The following SNX30 variants were observed in gnomAD, a reference collection of about 807,000 sequenced individuals.
SNX30 encodes the protein sorting nexin-30.
Under a neutral mutation model 46.4 loss-of-function variants are expected in SNX30, and 24 were observed. That is an observed-to-expected ratio of 0.52 (90% CI 0.37 to 0.73). The LOEUF is 0.73. SNX30 is among the 30% of genes least tolerant of loss of function. The pLI is 0.00. For missense variants in SNX30, 533 were observed against 555.7 expected, an observed-to-expected ratio of 0.96 and a Z score of 0.41; for synonymous variants, 189 against 211.5, an observed-to-expected ratio of 0.89 and a Z score of 0.92.
chr9:112,817,022 T>C (rs555182170), intron 2 of SNX30, among the ~76,000 whole-genome samples: 1 of 152,354 alleles, frequency 6.6e-6, no homozygotes, highest in South Asian at 2.1e-4. Context: ...TGCAATGCAA[T>C]GGCATTTTTG....
At chr9:112,836,592 C>T (rs570459891) in intron 5 of SNX30, among the ~76,000 whole-genome samples, 183 bp downstream of exon 5, 2 of 152,328 alleles carry the variant, frequency 1.3e-5, no homozygotes, top group African/African-American at 2.4e-5. Flanking sequence ...CTTTGCACCC[C>T]GTCCTTTGTC....
At chr9:112,777,249 C>A (rs942542660) in intron 1 of SNX30, among the ~76,000 whole-genome samples, 2 of 151,834 alleles carry the variant, frequency 1.3e-5, no homozygotes, top group Non-Finnish European at 1.5e-5. Flanking sequence ...TTTTATATTC[C>A]TTTTGTCATT....
In SNX30 at chr9:112,751,061, G is replaced by A. The variant is rs1436061551; in HGVS notation, c.60G>A (p.Met20Ile). Reference protein sequence around the residue: ...PSTGPHSLRDMPHPLAGSSSE... With the variant: ...PSTGPHSLRDIPHPLAGSSSE... ...CGGGGCCCCACTCCCTGCGCGACAT[G>A]CCGCACCCGCTGGCCGGCTCCAGCA... is the stretch of plus-strand genomic sequence containing the variant. Residue 20 changes from methionine (M) to isoleucine (I), a missense_variant, in exon 1 of 9, where the codon ATG becomes ATA. Around this residue, in one of 3 missense-constraint regions of SNX30, gnomAD observed 191 missense variants for 160.3 expected, o/e 1.19. Coordinates refer to ENST00000374232, the MANE Select transcript of SNX30 (RefSeq NM_001012994.2). The A allele has an allele frequency of 8.0e-6, 12 of 1,496,386 alleles. No individual in the cohort carries two copies. Among genetic ancestry groups the A allele is most frequent in the South Asian group, 1.3e-5 (1 of 79,762 alleles). 92.7% of individuals were successfully genotyped at this position (1,496,386 alleles called of 1,614,324 possible). A position where few individuals can be genotyped will look rare whatever the true frequency, so the allele number is the denominator to read the frequency against.
At chr9:112,850,967 G>C (rs371620243) in intron 7 of SNX30, 22 bp downstream of exon 7, 4 of 1,593,246 alleles carry the variant, frequency 2.5e-6, no homozygotes, top group South Asian at 2.2e-5. Context: ...CACCTGGGAA[G>C]GGCTGCAAAG....
At chr9:112,824,385 G>A (rs1840550865) in intron 3 of SNX30, among the ~76,000 whole-genome samples, 3 of 152,192 alleles carry the variant, frequency 2.0e-5, no homozygotes, top group South Asian at 2.1e-4. Flanking sequence ...TTCTAAAAAT[G>A]TTTTCATTGT....
chr9:112,753,571 C>T lies in SNX30; in HGVS notation c.156+2414C>T, dbSNP rs143620976. Among the ~76,000 whole-genome samples the T allele has an allele frequency of 3.6e-3, 552 of 152,238 alleles. 1 individual carries two copies. Among genetic ancestry groups the T allele is most frequent in the Non-Finnish European group, 6.0e-3 (407 of 68,022 alleles). On this transcript the variant is annotated intron_variant, in intron 1 of 8. Transcript: ENST00000374232. ...GTAATTTGTGTATTTTTAGTAGAGA[C>T]GAGGTTTCGCCATGTTGGCCAGGCT...
intron 1 of SNX30, among the ~76,000 whole-genome samples, chr9:112,768,648 T>TTCTTCTTCTTC (rs199840472): frequency 2.3e-4 from 11 of 47,330 alleles, no homozygotes; most frequent in African/African-American, 9.8e-4. Context: ...TTCTTTCTTC[T>TTCTTCTTCTTC]TTTTTTTTTT....
At chr9:112,843,603 G>T (rs1012532465) in intron 6 of SNX30, among the ~76,000 whole-genome samples, 2 of 150,978 alleles carry the variant, frequency 1.3e-5, no homozygotes, top group African/African-American at 4.9e-5. Flanking sequence ...TCAAAGAGAG[G>T]TAGGAGCCTG....
intron 1 of SNX30, among the ~76,000 whole-genome samples, chr9:112,769,656 A>C (rs1326628113): frequency 6.6e-6 from 1 of 152,042 alleles, no homozygotes; most frequent in South Asian, 2.1e-4. Context: ...CTAGCTCTAA[A>C]TGTTGGACTG....
At position 112,847,839 on chromosome 9, in the gene SNX30, A is replaced by C. The variant is rs1396888152; in HGVS notation, c.1015-3020A>C. On this transcript the variant is annotated intron_variant, in intron 6 of 8. Transcript: ENST00000374232. ...GCCCTCCTTGGGCACCCTATGTATGATTTTGCCTTCCCCAAACCCTTGGTA... is the reference window on the plus strand; with the variant it reads ...GCCCTCCTTGGGCACCCTATGTATGCTTTTGCCTTCCCCAAACCCTTGGTA... Among the ~76,000 whole-genome samples, 4 of 152,108 alleles carry C rather than the reference A, an allele frequency of 2.6e-5. No homozygotes were observed. The East Asian group carries it at 5.8e-4, about 22-fold the overall frequency.
intron 3 of SNX30, among the ~76,000 whole-genome samples, chr9:112,821,351 A>G (rs1404046567): frequency 1.3e-5 from 2 of 152,092 alleles, no homozygotes; most frequent in Non-Finnish European, 2.9e-5. Flanking sequence ...CCCATTTAAA[A>G]ATTGGGGTGC....
At chr9:112,838,842 G>A (rs1026802668) in intron 6 of SNX30, 145 bp downstream of exon 6, 10 of 691,442 alleles carry the variant, frequency 1.4e-5, no homozygotes, top group Non-Finnish European at 2.4e-5. Context: ...TGACATCATG[G>A]ACATATAAAT....
At chr9:112,853,952 A>T (rs921835230) in intron 7 of SNX30, among the ~76,000 whole-genome samples, 15 of 152,266 alleles carry the variant, frequency 9.9e-5, no homozygotes, top group African/African-American at 3.6e-4. Flanking sequence ...TAGGGAAGGA[A>T]GGAGAACCAA....
chr9:112,827,841 A>G (rs897764211), intron 3 of SNX30, among the ~76,000 whole-genome samples: 3 of 152,140 alleles, frequency 2.0e-5, no homozygotes, highest in Non-Finnish European at 4.4e-5. Context: ...TTTACCACTT[A>G]CCGTATTAAA....
intron 7 of SNX30, among the ~76,000 whole-genome samples, chr9:112,859,451 A>G (rs920649218): frequency 1.3e-5 from 2 of 152,160 alleles, no homozygotes; most frequent in African/African-American, 2.4e-5. Flanking sequence ...CCTGCTTTCA[A>G]TTTCTTTGGA....
intron 1 of SNX30, among the ~76,000 whole-genome samples, chr9:112,757,170 A>G (rs113604673): frequency 0.032 from 4,848 of 152,274 alleles, 256 homozygotes; most frequent in African/African-American, 0.11. Flanking sequence ...TGCCCTTGGT[A>G]GCCACTATTT....
intron 1 of SNX30, among the ~76,000 whole-genome samples, chr9:112,793,385 G>C (rs987927239): frequency 3.3e-5 from 5 of 152,156 alleles, no homozygotes; most frequent in African/African-American, 1.2e-4. Flanking sequence ...CATCATGCGG[G>C]GGGAGAAGGC....
rs1224638194 is a variant in SNX30, at chr9:112,874,138, G to A, written c.*5295G>A. The stretch of plus-strand genomic sequence containing the variant: ...AGGAAAATCACTTTTTTTCCTCCAT[G>A]TGGAAATGAGGAGAGAGGAAAGTGG... On this transcript the variant is annotated 3_prime_UTR_variant, in exon 9 of 9. Transcript: ENST00000374232. 2 of 152,232 alleles carry A rather than the reference G, an allele frequency of 1.3e-5. No individual in the cohort carries two copies. Among genetic ancestry groups the A allele is most frequent in the Non-Finnish European group, 2.9e-5 (2 of 68,030 alleles). The allele number at this position is 152,232 out of a possible 1,614,324, so 9.4% of individuals were successfully genotyped here.
At chr9:112,813,112 A>G (rs971111591) in intron 2 of SNX30, among the ~76,000 whole-genome samples, 2 of 151,980 alleles carry the variant, frequency 1.3e-5, no homozygotes, top group Non-Finnish European at 2.9e-5. Flanking sequence ...TCATGCCACT[A>G]TACTCCAGCC....
Sources: allele counts gnomAD v4.1 joint callset (sites outside exome capture counted in the v4.1 genomes callset), GRCh38; gene constraint gnomAD v4.1.1; regional missense constraint gnomAD v4.1.1; transcripts MANE v1.5; gene names NCBI Gene and HGNC (gene_info 2026-07-23, HGNC 2026-07-21).